ENTPD1: variants seen among roughly 807,000 people sequenced by gnomAD.
The protein encoded by ENTPD1 is ATP diphosphohydrolase.
ENTPD1 carries 33 observed loss-of-function variants against 57.0 expected under a neutral mutation model. The ratio of observed to expected loss-of-function variants is 0.58; its 90% CI spans 0.44 to 0.77. The LOEUF is 0.77. Ranked by LOEUF, ENTPD1 falls within the 30% of genes least tolerant of loss-of-function variation. ENTPD1 has a pLI of 0.00. For missense variants in ENTPD1, 501 were observed against 603.4 expected (o/e 0.83, Z 1.78); for synonymous variants, 202 against 218.8 (o/e 0.92, Z 0.68).
At chr10:95,694,522 A>C in the ENTPD1 span, among the ~76,000 whole-genome samples, 13 of 152,140 alleles carry the variant, frequency 8.5e-5, no homozygotes, top group African/African-American at 3.1e-4. Flanking sequence ...AAATCATTAA[A>C]GATGGACTGC....
intron 1 of ENTPD1, among the ~76,000 whole-genome samples, chr10:95,745,345 G>A (rs1474000944): frequency 6.6e-6 from 1 of 152,030 alleles, no homozygotes; most frequent in Non-Finnish European, 1.5e-5. Flanking sequence ...ACCATGCCCA[G>A]CTAATTTTTT....
intron 1 of ENTPD1, among the ~76,000 whole-genome samples, chr10:95,782,649 A>G (rs1400788224): frequency 6.6e-6 from 1 of 152,220 alleles, no homozygotes; most frequent in African/African-American, 2.4e-5. Context: ...GGTGATGAAC[A>G]GGGAAGATGT....
intron 1 of ENTPD1, among the ~76,000 whole-genome samples, chr10:95,798,936 T>C (rs780742086): frequency 2.0e-5 from 3 of 152,210 alleles, no homozygotes; most frequent in South Asian, 4.1e-4. Context: ...ACCACCTGCA[T>C]GTGAGCAAGA....
chr10:95,700,795 C>CT, the ENTPD1 span, among the ~76,000 whole-genome samples: 7,138 of 144,124 alleles, frequency 0.05, 211 homozygotes, highest in Non-Finnish European at 0.067. Context: ...GAAGTATATT[C>CT]TTTTTTTTTT....
intron 1 of ENTPD1, among the ~76,000 whole-genome samples, chr10:95,805,190 A>T (rs2098267151): frequency 6.6e-6 from 1 of 152,188 alleles, no homozygotes. Flanking sequence ...GGGTGCATAT[A>T]TACTTAGGAT....
chr10:95,790,946 AT>A (rs762786853), intron 1 of ENTPD1, among the ~76,000 whole-genome samples: 31 of 152,210 alleles, frequency 2.0e-4, no homozygotes, highest in Non-Finnish European at 3.7e-4. Context: ...ATGGCCAAAA[AT>A]TTAGAAAGCA....
At chr10:95,737,323 T>C (rs1164673082) in intron 1 of ENTPD1, among the ~76,000 whole-genome samples, 1 of 152,140 alleles carries the variant, frequency 6.6e-6, no homozygotes, top group Non-Finnish European at 1.5e-5. Flanking sequence ...TGAGAGTTAA[T>C]TGGGGGCCTA....
At chr10:95,846,476 G>C (rs958172361) in intron 6 of ENTPD1, 4 of 152,184 alleles carry the variant, frequency 2.6e-5, no homozygotes, top group African/African-American at 7.2e-5. Flanking sequence ...CAAACACAAA[G>C]CCAGGATGTC....
At chr10:95,707,314 A>T (rs951954094), upstream of ENTPD1, among the ~76,000 whole-genome samples, 2 of 152,176 alleles carry the variant, frequency 1.3e-5, no homozygotes, top group African/African-American at 4.8e-5. Flanking sequence ...CCTGCTCCAT[A>T]GAGCATGAGG....
chr10:95,717,337 GTTTTTTT>G (rs10609572), intron 1 of ENTPD1, among the ~76,000 whole-genome samples: 5,423 of 125,902 alleles, frequency 0.043, 122 homozygotes, highest in Non-Finnish European at 0.055. Flanking sequence ...GATCTGCAGG[GTTTTTTT>G]TTTTTTTTTT....
chr10:95,767,171 C>A (rs901320079), intron 1 of ENTPD1, among the ~76,000 whole-genome samples: 37 of 151,390 alleles, frequency 2.4e-4, no homozygotes, highest in Non-Finnish European at 4.6e-4. Flanking sequence ...AAAAAATTAG[C>A]CGGGCGTGGT....
intron 3 of ENTPD1, among the ~76,000 whole-genome samples, chr10:95,841,477 A>G (rs2098422571): frequency 1.3e-5 from 2 of 152,216 alleles, no homozygotes; most frequent in South Asian, 4.1e-4. Context: ...CTCAAAAGAG[A>G]GAGTTCTCTA....
chr10:95,699,448 A>G, the ENTPD1 span, among the ~76,000 whole-genome samples: 1 of 152,082 alleles, frequency 6.6e-6, no homozygotes, highest in African/African-American at 2.4e-5. Context: ...TGTCTCTACA[A>G]AAAATAAAAA....
chr10:95,712,909 C>T (rs1326321231), intron 1 of ENTPD1, among the ~76,000 whole-genome samples: 1 of 152,116 alleles, frequency 6.6e-6, no homozygotes, highest in Non-Finnish European at 1.5e-5. Context: ...TGGCGGACGC[C>T]TGTAGTCCCA....
At chr10:95,712,730 A>G (rs1017908919) in intron 1 of ENTPD1, among the ~76,000 whole-genome samples, 2 of 152,156 alleles carry the variant, frequency 1.3e-5, no homozygotes, top group Admixed American at 6.5e-5. Flanking sequence ...ATGCACAAAC[A>G]CCAGCCTTAA....
the ENTPD1 span, among the ~76,000 whole-genome samples, chr10:95,695,833 A>G: frequency 6.6e-6 from 1 of 152,212 alleles, no homozygotes; most frequent in African/African-American, 2.4e-5. Flanking sequence ...TTAAAAATAT[A>G]TTAAAAATTG....
chr10:95,809,539 C>G (rs1287533212), intron 1 of ENTPD1, among the ~76,000 whole-genome samples: 1 of 145,972 alleles, frequency 6.9e-6, no homozygotes, highest in Non-Finnish European at 1.5e-5. Context: ...AGAGGCGCCC[C>G]CCACCTCCCA....
At chr10:95,795,393 G>A (rs1224333214) in intron 1 of ENTPD1, among the ~76,000 whole-genome samples, 1 of 152,142 alleles carries the variant, frequency 6.6e-6, no homozygotes. Context: ...AGGAGAAACA[G>A]TTTTGCAGAG....
At chr10:95,800,876 G>C (rs2140334010) in intron 1 of ENTPD1, among the ~76,000 whole-genome samples, 1 of 152,222 alleles carries the variant, frequency 6.6e-6, no homozygotes, top group East Asian at 1.9e-4. Flanking sequence ...CAAACAATTT[G>C]TACAGTTAAC....
Sources: allele counts gnomAD v4.1 joint callset (sites outside exome capture counted in the v4.1 genomes callset), GRCh38; gene constraint gnomAD v4.1.1; transcripts MANE v1.5; gene names NCBI Gene and HGNC (gene_info 2026-07-23, HGNC 2026-07-21).